GEMIN5: variants seen among roughly 807,000 people sequenced by gnomAD.
The protein encoded by GEMIN5 is gem nuclear organelle associated protein 5.
Under a neutral mutation model 176.9 loss-of-function variants are expected in GEMIN5, and 124 were observed. The observed-to-expected ratio is 0.70, with a 90% confidence interval of 0.61 to 0.81. GEMIN5 has a LOEUF of 0.81. Ranked by LOEUF, GEMIN5 falls within the 40% of genes least tolerant of loss-of-function variation. GEMIN5 has a pLI of 0.00. For synonymous variants in GEMIN5, 673 were observed against 665.2 expected (o/e 1.01, Z -0.18); for missense variants, 1,843 against 1,814.6 (o/e 1.02, Z -0.28).
At chr5:154,897,424 G>T (rs1326321545) in intron 23 of GEMIN5, among the ~76,000 whole-genome samples, 1 of 152,174 alleles carries the variant, frequency 6.6e-6, no homozygotes, top group Non-Finnish European at 1.5e-5. Flanking sequence ...GCAGTGGTAT[G>T]TTACTGATTT....
intron 3 of GEMIN5, among the ~76,000 whole-genome samples, chr5:154,935,624 C>T (rs926035508): frequency 2.0e-5 from 3 of 152,108 alleles, no homozygotes; most frequent in East Asian, 1.9e-4. Context: ...ATCCGAAAAA[C>T]GAAGAAAGTA....
In GEMIN5 at chr5:154,915,379, C is replaced by T. The variant is rs995553878; in HGVS notation, c.1855+1619G>A. Reference sequence around the variant, plus strand: ...ATTTAGTGTCAGATTATAATTTCTTCATATTAGGAAAAAAAGTAATCCCAC... The same window carrying T: ...ATTTAGTGTCAGATTATAATTTCTTTATATTAGGAAAAAAAGTAATCCCAC... On this transcript the variant is annotated intron_variant, in intron 13 of 27. Coordinates refer to ENST00000285873, the MANE Select transcript of GEMIN5 (RefSeq NM_015465.5). Among the ~76,000 whole-genome samples the T allele has an allele frequency of 7.2e-5, 11 of 152,234 alleles. No individual in the cohort carries two copies. In the South Asian group the frequency reaches 1.0e-3, roughly 14 times the overall value.
In GEMIN5 at chr5:154,905,485, T is replaced by C; in HGVS notation, c.2396-9A>G. 1 of 1,391,146 alleles carries C rather than the reference T, an allele frequency of 7.2e-7. No individual in the cohort carries two copies. Among genetic ancestry groups the C allele is most frequent in the Non-Finnish European group, 1.0e-6 (1 of 1,001,828 alleles). The allele number at this position is 1,391,146 out of a possible 1,614,324, so 86.2% of individuals were successfully genotyped here. ...AACTGGTTCTCTAGAAACTACATCATGGGGGAAAAAGGAAAAAAAAAGTTA... is the reference window on the plus strand; with the variant it reads ...AACTGGTTCTCTAGAAACTACATCACGGGGGAAAAAGGAAAAAAAAAGTTA... On this transcript the variant is annotated splice_polypyrimidine_tract_variant and intron_variant, in intron 16 of 27. Coordinates refer to ENST00000285873, the MANE Select transcript of GEMIN5 (RefSeq NM_015465.5).
chr5:154,892,789 C>T (rs1374786852), intron 24 of GEMIN5: 2 of 459,880 alleles, frequency 4.3e-6, no homozygotes, highest in African/African-American at 4.0e-5. Context: ...AACACCTTTA[C>T]ATTTGCATTT....
rs769249807 is a variant in GEMIN5 at position 154,917,036 on chromosome 5, T to C, written c.1817A>G (p.Asn606Ser). Residue 606 changes from asparagine to serine, a missense_variant, in exon 13 of 28, where the codon AAT (asparagine) becomes AGT (serine). Coordinates refer to ENST00000285873, the MANE Select transcript of GEMIN5 (RefSeq NM_015465.5). The stretch of plus-strand genomic sequence containing the variant: ...CAGGTTGTGCACGTAAATGACTGCA[T>C]TGTTGGAGCCAGAGGCCATCAGATA... ...LSYLMASGSN[N>S]AVIYVHNLKT... 1.1e-5 allele frequency: 18 copies of C among 1,601,052 alleles called. No homozygotes were observed. Among genetic ancestry groups the C allele is most frequent in the Middle Eastern group, 3.3e-4 (2 of 6,028 alleles).
intron 7 of GEMIN5, 120 bp from the exon 8 acceptor site, chr5:154,926,194 C>G (rs1385867798): frequency 1.6e-6 from 1 of 617,514 alleles, no homozygotes; most frequent in African/African-American, 1.9e-5. Context: ...TGTCTTCCAG[C>G]AGGAATTGAA....
At chr5:154,910,915 T>C (rs1763686959) in intron 15 of GEMIN5, among the ~76,000 whole-genome samples, 1 of 151,936 alleles carries the variant, frequency 6.6e-6, no homozygotes, top group Non-Finnish European at 1.5e-5. Flanking sequence ...GTCAGGATGG[T>C]CTCGGATCTC....
chr5:154,923,507 A>G (rs1483800285), intron 9 of GEMIN5, among the ~76,000 whole-genome samples: 5 of 152,254 alleles, frequency 3.3e-5, no homozygotes, highest in African/African-American at 1.2e-4. Flanking sequence ...GGTCCCTGCC[A>G]CAACTACTCC....
At position 154,932,258 on chromosome 5, in the gene GEMIN5, A is replaced by G. The variant is rs768113132; in HGVS notation, c.510-8T>C. ...ACTATGCCATCCTTGTAGCTAAAAA[A>G]CAAGAGTTAGAAATATTACTAAAAA... On this transcript the variant is annotated splice_region_variant and splice_polypyrimidine_tract_variant and intron_variant, in intron 3 of 27. Coordinates refer to ENST00000285873, the MANE Select transcript of GEMIN5 (RefSeq NM_015465.5). The G allele has an allele frequency of 3.1e-6, 5 of 1,595,660 alleles. No individual in the cohort carries two copies. The highest frequency in any genetic ancestry group is 1.3e-5 in the African/African-American group (1 of 74,120).
Position 154,892,424 on chromosome 5 carries a change from G to T in GEMIN5, c.3723C>A (p.Thr1241=). 1 of 1,614,148 alleles carries T rather than the reference G, an allele frequency of 6.2e-7. No homozygotes were observed. The change falls in exon 25 of 28, where the codon ACC becomes ACA. Residue 1241 remains threonine (T), a synonymous_variant. Transcript: ENST00000285873. ...VVRSYDSGSF[T]IMQEVYSAFL... Reference sequence around the variant, plus strand: ...AGGCTGAGTACACTTCCTGCATGATGGTGAAGCTCCCTGAGTCATAGCTCC... The same window carrying T: ...AGGCTGAGTACACTTCCTGCATGATTGTGAAGCTCCCTGAGTCATAGCTCC...
chr5:154,911,775 C>A lies in GEMIN5; in HGVS notation c.2119G>T (p.Val707Leu), dbSNP rs768983663. ...TGCATGGAAGTGAGCCACTTGTGCA[C>A]ACAAAAGTCATCTGCCCCTGAATAG... Reference protein sequence around the residue: ...CIYSGADDFCVHKWLTSMQDH... With the variant: ...CIYSGADDFCLHKWLTSMQDH... The change falls in exon 15 of 28, where the codon GTG (valine) becomes TTG (leucine). Residue 707 changes from valine to leucine, a missense_variant. Val to Leu is a conservative substitution (Grantham distance 32). Transcript: ENST00000285873. The A allele has an allele frequency of 9.3e-6, 15 of 1,613,850 alleles. No homozygotes were observed. The Admixed American group carries it at 1.8e-4, about 20-fold the overall frequency.
chr5:154,923,828 T>C (rs1763973992), intron 9 of GEMIN5, among the ~76,000 whole-genome samples: 1 of 152,174 alleles, frequency 6.6e-6, no homozygotes, highest in South Asian at 2.1e-4. Flanking sequence ...TTCATTTTAA[T>C]TACTTTAAGT....
At chr5:154,930,083 G>A (rs1396598233) in intron 5 of GEMIN5, among the ~76,000 whole-genome samples, 1 of 151,920 alleles carries the variant, frequency 6.6e-6, no homozygotes, top group Non-Finnish European at 1.5e-5. Context: ...GCTCCATCCT[G>A]ACTCATTCCG....
chr5:154,911,715 G>A lies in GEMIN5; in HGVS notation c.2167+12C>T. The A allele has an allele frequency of 6.2e-7, 1 of 1,607,898 alleles. No individual in the cohort carries two copies. The highest frequency in any genetic ancestry group is 8.5e-7 in the Non-Finnish European group (1 of 1,174,980). Reference sequence around the variant, plus strand: ...AGAAAAAGAATTAGATAAGCTCTAGGTTCTGACTGACCTTGAGGAGGCCGG... The same window carrying A: ...AGAAAAAGAATTAGATAAGCTCTAGATTCTGACTGACCTTGAGGAGGCCGG... On this transcript the variant is annotated intron_variant, in intron 15 of 27. Coordinates refer to ENST00000285873, the MANE Select transcript of GEMIN5 (RefSeq NM_015465.5).
intron 2 of GEMIN5, 149 bp downstream of exon 2, chr5:154,936,876 G>A: frequency 3.1e-6 from 2 of 635,288 alleles, no homozygotes; most frequent in Non-Finnish European, 5.4e-6. Flanking sequence ...AAAAAAAGTT[G>A]AGACATCTTA....
rs754562258 is a variant in GEMIN5, at chr5:154,898,453, T to G, written c.3332A>C (p.His1111Pro). ...TAACAGACTGACCTGTAGACTTTCA[T>G]GCAGCTGCAGGGCTTCCTGGGCTCC... The part of the protein sequence containing the change: ...WVGAQEALQL[H>P]ESLQGQRLVF... The change falls in exon 23 of 28, where the codon CAT (histidine) becomes CCT (proline). Residue 1111 changes from histidine (H) to proline (P), a missense_variant. Physicochemically the swap from His to Pro is moderately conservative, Grantham distance 77 (BLOSUM62 -2). Coordinates refer to ENST00000285873, the MANE Select transcript of GEMIN5 (RefSeq NM_015465.5). 1 of 1,613,540 alleles carries G rather than the reference T, an allele frequency of 6.2e-7. No individual in the cohort carries two copies. The highest frequency in any genetic ancestry group is 8.5e-7 in the Non-Finnish European group (1 of 1,179,428).
At chr5:154,929,785 A>C (rs75108487) in intron 5 of GEMIN5, among the ~76,000 whole-genome samples, 2,639 of 152,316 alleles carry the variant, frequency 0.017, 50 homozygotes, top group Middle Eastern at 0.048. Context: ...TTAGTTACCT[A>C]CCACTGATGA....
chr5:154,921,103 CA>C (rs1210325387), intron 10 of GEMIN5, among the ~76,000 whole-genome samples: 1 of 152,048 alleles, frequency 6.6e-6, no homozygotes, highest in Non-Finnish European at 1.5e-5. Flanking sequence ...AATTTCAGAT[CA>C]AATAGAAGAA....
At position 154,896,334 on chromosome 5, in the gene GEMIN5, A is replaced by G. The variant is rs773469061; in HGVS notation, c.3355T>C (p.Leu1119=). 6.3e-7 allele frequency: 1 copy of G among 1,580,070 alleles called. No homozygotes were observed. Among genetic ancestry groups the G allele is most frequent in the South Asian group, 1.2e-5 (1 of 85,874 alleles). ...AGTAGCTCCAGAAGGCAAAACACCA[A>G]TCTCTGACCCTGGAACACGACAACA... is the stretch of plus-strand genomic sequence containing the variant. ...QLHESLQGQR[L]VFCLLELLSR... Residue 1119 remains leucine (L), a synonymous_variant, in exon 24 of 28, where the codon TTG becomes CTG. Transcript: ENST00000285873.
Sources: gnomAD v4.1 joint callset for allele counts (sites outside exome capture counted in the v4.1 genomes callset) on GRCh38, gnomAD v4.1.1 for gene constraint, MANE v1.5 for transcripts, NCBI Gene and HGNC (gene_info 2026-07-23, HGNC 2026-07-21) for gene names.